The following MCM3 variants were observed in gnomAD, a reference collection of about 807,000 sequenced individuals.
The protein encoded by MCM3 is DNA replication licensing factor MCM3.
MCM3 carries 59 observed loss-of-function variants against 91.3 expected under a neutral mutation model. The observed-to-expected ratio is 0.65, with a 90% confidence interval of 0.52 to 0.80. The LOEUF is 0.80. Ranked by LOEUF, MCM3 falls within the 30% of genes least tolerant of loss-of-function variation. MCM3 has a pLI of 0.00. For missense variants in MCM3, 919 were observed against 1,035.4 expected, an observed-to-expected ratio of 0.89 and a Z score of 1.54; for synonymous variants, 383 against 379.6, an observed-to-expected ratio of 1.01 and a Z score of -0.10.
chr6:52,273,182 T>C (rs767854097), intron 11 of MCM3, 48 bp downstream of exon 11: 2 of 1,612,006 alleles, frequency 1.2e-6, no homozygotes, highest in Non-Finnish European at 1.7e-6. Flanking sequence ...TGCTCTAATA[T>C]AACACATATT....
At chr6:52,276,130 A>G (rs1226539267) in intron 9 of MCM3, 138 bp downstream of exon 9, 1 of 739,196 alleles carries the variant, frequency 1.4e-6, no homozygotes. Context: ...TAAACAAAGG[A>G]CAATAACAAG....
chr6:52,273,551 C>G (rs911494935), intron 10 of MCM3, among the ~76,000 whole-genome samples, 191 bp downstream of exon 10: 1 of 152,032 alleles, frequency 6.6e-6, no homozygotes, highest in Non-Finnish European at 1.5e-5. Flanking sequence ...ATTCCCAGAC[C>G]CAGAAATGGA....
chr6:52,283,225 T>C, intron 2 of MCM3, 69 bp downstream of exon 2: 3 of 1,249,996 alleles, frequency 2.4e-6, no homozygotes, highest in Non-Finnish European at 3.5e-6. Flanking sequence ...CCTGAGAGGC[T>C]GTTCCAATCT....
chr6:52,271,259 G>T (rs1477682058), intron 12 of MCM3, among the ~76,000 whole-genome samples: 2 of 152,118 alleles, frequency 1.3e-5, no homozygotes, highest in African/African-American at 4.8e-5. Context: ...TCTAATCCAA[G>T]AATCTATGTC....
At chr6:52,281,994 G>A in intron 4 of MCM3, 51 bp downstream of exon 4, 1 of 1,591,906 alleles carries the variant, frequency 6.3e-7, no homozygotes, top group Non-Finnish European at 8.6e-7. Context: ...CTTAAAACAG[G>A]TATCTTTGAT....
Position 52,264,547 on chromosome 6 carries a change from A to G in MCM3, c.*41T>C. On this transcript the variant is annotated 3_prime_UTR_variant, in exon 17 of 17. Coordinates refer to ENST00000596288, the MANE Select transcript of MCM3 (RefSeq NM_002388.6). ...AGGGAGAGGGTGGGAAACACAGAAC[A>G]AACTCTCTCGGCACAACCCAAGTTC... 6.2e-7 allele frequency: 1 copy of G among 1,608,956 alleles called. No individual in the cohort carries two copies. Among genetic ancestry groups the G allele is most frequent in the Non-Finnish European group, 8.5e-7 (1 of 1,175,628 alleles).
Position 52,282,883 on chromosome 6 carries a change from A to C in MCM3, c.192-22T>G, listed in dbSNP as rs199941767. ...AAGCCTGTACATAAGCAAGAGAAAG[A>C]AAAATTAGACTGGGCAGAACTCAAA... On this transcript the variant is annotated intron_variant, in intron 2 of 16. Transcript: ENST00000596288. 89 of 1,601,184 alleles carry C rather than the reference A, an allele frequency of 5.6e-5. No homozygotes were observed. In the Admixed American group the frequency reaches 9.1e-4, roughly 16 times the overall value.
rs755154567 is a variant in MCM3, at chr6:52,276,309, G to A, written c.1333C>T (p.Arg445Cys). 42 of 1,612,684 alleles carry A rather than the reference G, an allele frequency of 2.6e-5. No individual in the cohort carries two copies. Among genetic ancestry groups the A allele is most frequent in the South Asian group, 2.3e-4 (21 of 90,972 alleles). Reference protein sequence around the residue: ...KAGIHARLNARCSVLAAANPV... With the variant: ...KAGIHARLNACCSVLAAANPV... ...TTGGCAGCTGCCAAAACACTGCAGC[G>A]GGCATTCAGCCGAGCATGGATGCCA... The change falls in exon 9 of 17, where the codon CGC becomes TGC. Residue 445 changes from arginine to cysteine, a missense_variant. This residue lies in a region of MCM3 where 233 missense variants were observed against 321.2 expected (regional missense o/e 0.73). Coordinates refer to ENST00000596288, the MANE Select transcript of MCM3 (RefSeq NM_002388.6).
chr6:52,272,418 C>T lies in MCM3; in HGVS notation c.1710G>A (p.Lys570=). 2 of 1,614,144 alleles carry T rather than the reference C, an allele frequency of 1.2e-6. No individual in the cohort carries two copies. Among genetic ancestry groups the T allele is most frequent in the Non-Finnish European group, 1.7e-6 (2 of 1,180,038 alleles). ...EKMVSAAFMK[K]YIHVAKIIKP... ...TGATGATTTTGGCCACATGGATGTA[C>T]TTCTTCATGAATGCTGCACTCACCA... is the stretch of plus-strand genomic sequence containing the variant. Residue 570 remains lysine (K), a synonymous_variant, in exon 12 of 17, where the codon AAG becomes AAA. Transcript: ENST00000596288.
chr6:52,266,007 G>A (rs1581702196), intron 16 of MCM3, 68 bp downstream of exon 16: 2 of 1,412,308 alleles, frequency 1.4e-6, no homozygotes, highest in East Asian at 4.6e-5. Flanking sequence ...CCCTCTCCAA[G>A]GGAACAAAGT....
intron 16 of MCM3, 135 bp from the exon 17 acceptor site, chr6:52,264,921 G>T: frequency 1.4e-6 from 1 of 713,434 alleles, no homozygotes; most frequent in Non-Finnish European, 2.4e-6. Context: ...ACACACATCT[G>T]CCTCTGATGG....
At chr6:52,268,572 T>C (rs1764829578) in intron 13 of MCM3, among the ~76,000 whole-genome samples, 1 of 152,126 alleles carries the variant, frequency 6.6e-6, no homozygotes, top group African/African-American at 2.4e-5. Context: ...GTCTAGGCTT[T>C]GAGGCTTGAT....
Position 52,277,328 on chromosome 6 carries a change from T to A in MCM3, c.1034-130A>T, listed in dbSNP as rs575924163. On this transcript the variant is annotated intron_variant, in intron 7 of 16. Coordinates refer to ENST00000596288, the MANE Select transcript of MCM3 (RefSeq NM_002388.6). Reference sequence around the variant, plus strand: ...TGGATTTTAATATTTTTCCTTCGCTTTTCCCTTCACCACTCACGGAAGAAT... The same window carrying A: ...TGGATTTTAATATTTTTCCTTCGCTATTCCCTTCACCACTCACGGAAGAAT... 7.4e-6 allele frequency: 8 copies of A among 1,085,910 alleles called. No homozygotes were observed. The South Asian group carries it at 1.3e-4, about 18-fold the overall frequency. The allele number at this position is 1,085,910 out of a possible 1,614,324, so 67.3% of individuals were successfully genotyped here.
At chr6:52,268,852 C>T (rs567708468) in intron 13 of MCM3, among the ~76,000 whole-genome samples, 1 of 152,264 alleles carries the variant, frequency 6.6e-6, no homozygotes, top group South Asian at 2.1e-4. Context: ...ACCAGAATCT[C>T]TAGGAGCCCT....
chr6:52,274,099 C>A (rs115697422), intron 9 of MCM3, among the ~76,000 whole-genome samples, 183 bp from the exon 10 acceptor site: 1 of 152,330 alleles, frequency 6.6e-6, no homozygotes, highest in African/African-American at 2.4e-5. Flanking sequence ...CTTCTACCTG[C>A]AACCCTTCTT....
intron 9 of MCM3, among the ~76,000 whole-genome samples, chr6:52,275,196 G>C (rs1765458141): frequency 6.6e-6 from 1 of 152,154 alleles, no homozygotes; most frequent in African/African-American, 2.4e-5. Context: ...CTGAACGGGG[G>C]ACCATGCAAC....
chr6:52,283,214 T>C, intron 2 of MCM3, 80 bp downstream of exon 2: 2 of 1,139,300 alleles, frequency 1.8e-6, no homozygotes, highest in Non-Finnish European at 2.7e-6. Flanking sequence ...ACAAGTCCTC[T>C]CCTGAGAGGC....
chr6:52,277,232 A>G lies in MCM3; in HGVS notation c.1034-34T>C, dbSNP rs539264151. 1.8e-5 allele frequency: 29 copies of G among 1,599,734 alleles called. No homozygotes were observed. The East Asian group carries it at 6.1e-4, about 33-fold the overall frequency. On this transcript the variant is annotated intron_variant, in intron 7 of 16. Transcript: ENST00000596288. Reference sequence around the variant, plus strand: ...TGGGGGCAGTGATGACTCTCTAGGAAACTCCCCAGCACCCCCAGCAAATTC... The same window carrying G: ...TGGGGGCAGTGATGACTCTCTAGGAGACTCCCCAGCACCCCCAGCAAATTC...
chr6:52,273,281 G>A lies in MCM3; in HGVS notation c.1625C>T (p.Thr542Ile). The A allele has an allele frequency of 6.2e-7, 1 of 1,614,118 alleles. No individual in the cohort carries two copies. The highest frequency in any genetic ancestry group is 8.5e-7 in the Non-Finnish European group (1 of 1,180,008). The change falls in exon 11 of 17, where the codon ACC becomes ATC. Residue 542 changes from threonine to isoleucine, a missense_variant. Transcript: ENST00000596288. ...GTTGTCATGCTTCTCATAAATCTGGGTGTCCTGCTGATCTTCCTGGCTAAA... is the reference window on the plus strand; with the variant it reads ...GTTGTCATGCTTCTCATAAATCTGGATGTCCTGCTGATCTTCCTGGCTAAA... ...PNFSQEDQQD[T>I]QIYEKHDNLL...
Sources: allele counts gnomAD v4.1 joint callset (sites outside exome capture counted in the v4.1 genomes callset), GRCh38; gene constraint gnomAD v4.1.1; regional missense constraint gnomAD v4.1.1; transcripts MANE v1.5; gene names NCBI Gene and HGNC (gene_info 2026-07-23, HGNC 2026-07-21).